LDLRAD4: variants seen among roughly 807,000 people sequenced by gnomAD.
LDLRAD4 encodes the protein low-density lipoprotein receptor class A domain-containing protein 4.
In LDLRAD4, 5 loss-of-function variants were observed where a neutral mutation model predicts 17.0. The ratio of observed to expected loss-of-function variants is 0.29; its 90% CI spans 0.15 to 0.62. LDLRAD4 has a LOEUF of 0.62. LDLRAD4 is among the 20% of genes least tolerant of loss of function. LDLRAD4 has a pLI of 0.84. For synonymous variants in LDLRAD4, 168 were observed against 171.8 expected, an observed-to-expected ratio of 0.98 and a Z score of 0.17; for missense variants, 340 against 424.7, an observed-to-expected ratio of 0.80 and a Z score of 1.75.
At chr18:13,447,844 C>T (rs951786176) in intron 3 of LDLRAD4, among the ~76,000 whole-genome samples, 1 of 152,174 alleles carries the variant, frequency 6.6e-6, no homozygotes, top group Non-Finnish European at 1.5e-5. Flanking sequence ...ACTGTCTAGA[C>T]GCTCTCTGCC....
At chr18:13,476,377 C>T (rs543322706) in intron 3 of LDLRAD4, among the ~76,000 whole-genome samples, 1 of 152,158 alleles carries the variant, frequency 6.6e-6, no homozygotes, top group African/African-American at 2.4e-5. Context: ...GTAATCCCAG[C>T]ACTTTGGGAG....
chr18:13,381,093 G>A (rs74856912), intron 1 of LDLRAD4, among the ~76,000 whole-genome samples: 4 of 59,196 alleles, frequency 6.8e-5, no homozygotes, highest in Admixed American at 1.5e-4. Context: ...TTTTTTTTTT[G>A]AAGAGACAGG....
intron 1 of LDLRAD4, among the ~76,000 whole-genome samples, chr18:13,299,441 C>G (rs556018724): frequency 5.3e-5 from 8 of 152,308 alleles, no homozygotes; most frequent in African/African-American, 1.7e-4. Flanking sequence ...GGCCAGACAC[C>G]TATGGAACTG....
intron 1 of LDLRAD4, among the ~76,000 whole-genome samples, chr18:13,232,310 C>T (rs996408977): frequency 6.6e-6 from 1 of 152,206 alleles, no homozygotes; most frequent in African/African-American, 2.4e-5. Flanking sequence ...AGTGTGGCCC[C>T]TCTCCTGTCC....
intron 3 of LDLRAD4, among the ~76,000 whole-genome samples, chr18:13,534,138 A>G (rs1392221653): frequency 1.3e-5 from 2 of 152,136 alleles, no homozygotes; most frequent in African/African-American, 4.8e-5. Flanking sequence ...CACCTTGTTT[A>G]GGTTTCATAG....
intron 3 of LDLRAD4, among the ~76,000 whole-genome samples, chr18:13,443,027 A>T (rs976104404): frequency 6.6e-6 from 1 of 152,182 alleles, no homozygotes; most frequent in African/African-American, 2.4e-5. Context: ...GCTTCTCTCT[A>T]TATAGAGACC....
intron 1 of LDLRAD4, among the ~76,000 whole-genome samples, chr18:13,269,476 A>T (rs1890863644): frequency 6.6e-6 from 1 of 152,200 alleles, no homozygotes. Context: ...TAGTAGAAGC[A>T]TGTCTCTATT....
At chr18:13,376,573 C>T (rs371144204) in intron 1 of LDLRAD4, among the ~76,000 whole-genome samples, 8 of 152,122 alleles carry the variant, frequency 5.3e-5, no homozygotes, top group East Asian at 3.9e-4. Flanking sequence ...GCTTCTTCTG[C>T]GGGTGAGGGC....
At chr18:13,463,661 A>G (rs1407795956) in intron 3 of LDLRAD4, among the ~76,000 whole-genome samples, 2 of 152,166 alleles carry the variant, frequency 1.3e-5, no homozygotes, top group Non-Finnish European at 2.9e-5. Context: ...ACGGCAGGTG[A>G]CAGGGCAGTC....
At chr18:13,593,665 G>C (rs9946090) in intron 3 of LDLRAD4, among the ~76,000 whole-genome samples, 77,805 of 151,984 alleles carry the variant, frequency 0.51, 20,007 homozygotes, top group East Asian at 0.65. Context: ...GCTATATGGC[G>C]CAGGCTGGCC....
At chr18:13,219,168 G>A (rs1241538549) in intron 1 of LDLRAD4, among the ~76,000 whole-genome samples, 180 bp downstream of exon 1, 3 of 151,974 alleles carry the variant, frequency 2.0e-5, no homozygotes, top group Non-Finnish European at 4.4e-5. Context: ...CGGCACTGGG[G>A]GAAGGCGCAT....
intron 4 of LDLRAD4, chr18:13,641,761 G>T: frequency 4.1e-6 from 4 of 985,508 alleles, no homozygotes; most frequent in Non-Finnish European, 4.8e-6. Context: ...GCCGAGGGCC[G>T]GGCCTCGGGG....
At chr18:13,563,493 G>A (rs1032573175) in intron 3 of LDLRAD4, among the ~76,000 whole-genome samples, 1 of 152,162 alleles carries the variant, frequency 6.6e-6, no homozygotes, top group African/African-American at 2.4e-5. Flanking sequence ...AGTGAAAGGG[G>A]GATAGTCTTC....
Position 13,645,819 on chromosome 18 carries a change from T to C in LDLRAD4, c.*162T>C, listed in dbSNP as rs1415156732. 15 of 490,308 alleles carry C rather than the reference T, an allele frequency of 3.1e-5. No individual in the cohort carries two copies. The highest frequency in any genetic ancestry group is 6.1e-5 in the South Asian group (1 of 16,360). 30.4% of individuals were successfully genotyped at this position (490,308 alleles called of 1,614,324 possible). ...TCTGATTCCTTTTAGGGGAATTGCATGCAAACTAGACTGAAATGATACAAA... is the reference window on the plus strand; with the variant it reads ...TCTGATTCCTTTTAGGGGAATTGCACGCAAACTAGACTGAAATGATACAAA... On this transcript the variant is annotated 3_prime_UTR_variant, in exon 6 of 6. Transcript: ENST00000359446. The surrounding 1 kb of genome is among the most constrained non-coding windows in gnomAD (Gnocchi z 5.7).
Position 13,367,201 on chromosome 18 carries a change from G to A in LDLRAD4, c.-382-20140G>A, listed in dbSNP as rs781347617. ...TTGCAATCCCCTCCAGCCCCACTCC[G>A]TTACAACCAGTGGAGGTGGAACTTG... is the stretch of plus-strand genomic sequence containing the variant. On this transcript the variant is annotated intron_variant, in intron 1 of 5. Transcript: ENST00000359446. The surrounding 1 kb of genome is among the most constrained non-coding windows in gnomAD (Gnocchi z 4.1). 1.3e-5 allele frequency among the ~76,000 whole-genome samples: 2 copies of A among 152,146 alleles called. No homozygotes were observed. Among genetic ancestry groups the A allele is most frequent in the Non-Finnish European group, 2.9e-5 (2 of 68,018 alleles).
intron 3 of LDLRAD4, among the ~76,000 whole-genome samples, chr18:13,577,976 C>T (rs1203158767): frequency 6.6e-6 from 1 of 152,158 alleles, no homozygotes; most frequent in African/African-American, 2.4e-5. Flanking sequence ...GCTTACTTTC[C>T]ACACCCAAAT....
In LDLRAD4 at chr18:13,648,600, C is replaced by A. The variant is rs562449707; in HGVS notation, c.*2943C>A. On this transcript the variant is annotated 3_prime_UTR_variant, in exon 6 of 6. Transcript: ENST00000359446. ...GTAGCGACTGGGAAGATACAACTTA[C>A]ACAGTGGGGCCTATTGTTCTTTCAA... is the stretch of plus-strand genomic sequence containing the variant. 5 of 152,292 alleles carry A rather than the reference C, an allele frequency of 3.3e-5. No homozygotes were observed. The East Asian group carries it at 9.6e-4, about 29-fold the overall frequency. 9.4% of individuals were successfully genotyped at this position (152,292 alleles called of 1,614,324 possible). A position where few individuals can be genotyped will look rare whatever the true frequency, so the allele number is the denominator to read the frequency against.
chr18:13,524,126 G>A (rs770405382), intron 3 of LDLRAD4, among the ~76,000 whole-genome samples: 16 of 152,200 alleles, frequency 1.1e-4, no homozygotes, highest in Non-Finnish European at 2.1e-4. Flanking sequence ...CGGGACCCCC[G>A]ACTTCCCTTG....
chr18:13,218,423 T>C (rs2041267604), upstream of LDLRAD4, among the ~76,000 whole-genome samples: 4 of 151,996 alleles, frequency 2.6e-5, no homozygotes, highest in Admixed American at 2.6e-4. Flanking sequence ...TGTCCCGCGG[T>C]TGCAAGACTG....
Sources: gnomAD v4.1 joint callset for allele counts (sites outside exome capture counted in the v4.1 genomes callset) on GRCh38, gnomAD v4.1.1 for gene constraint, Gnocchi (gnomAD v3.1) non-coding constraint, MANE v1.5 for transcripts, NCBI Gene and HGNC (gene_info 2026-07-23, HGNC 2026-07-21) for gene names.